The following ULK4 variants were observed in gnomAD, a reference collection of about 807,000 sequenced individuals.
The protein encoded by ULK4 is unc-51 like kinase 4.
A neutral mutation model predicts 160.6 loss-of-function variants in ULK4; 133 were observed. The ratio of observed to expected loss-of-function variants is 0.83; its 90% CI spans 0.72 to 0.96. ULK4 has a LOEUF of 0.96. Ranked by LOEUF, ULK4 falls within the 40% of genes least tolerant of loss-of-function variation. ULK4 has a pLI of 0.00. For missense variants in ULK4, 1,580 were observed against 1,499.5 expected (o/e 1.05, Z -0.89); for synonymous variants, 534 against 539.8 (o/e 0.99, Z 0.15).
At chr3:41,700,022 A>T (rs9850380) in intron 27 of ULK4, among the ~76,000 whole-genome samples, 28,707 of 151,936 alleles carry the variant, frequency 0.19, 7,373 homozygotes, top group African/African-American at 0.59. Flanking sequence ...ACAAGTAACG[A>T]CCCAGCAAGT....
intron 34 of ULK4, among the ~76,000 whole-genome samples, chr3:41,403,902 G>A (rs1031224431): frequency 6.6e-5 from 10 of 151,874 alleles, no homozygotes; most frequent in Non-Finnish European, 1.3e-4. Flanking sequence ...TCCTATTGTC[G>A]TTCTCTTATT....
At chr3:41,339,381 GCCCAGGA>G (rs1453631172) in intron 35 of ULK4, among the ~76,000 whole-genome samples, 1 of 152,068 alleles carries the variant, frequency 6.6e-6, no homozygotes, top group Non-Finnish European at 1.5e-5. Context: ...CATGTGAAAA[GCCCAGGA>G]CCCTGGCCTC....
intron 5 of ULK4, 31 bp from the exon 6 acceptor site, chr3:41,919,849 T>G: frequency 2.6e-6 from 4 of 1,532,334 alleles, no homozygotes; most frequent in Admixed American, 1.7e-5. Context: ...ACAGCTCGGT[T>G]AGGCATTTGT....
intron 27 of ULK4, among the ~76,000 whole-genome samples, chr3:41,703,218 G>T (rs1016533505): frequency 2.3e-5 from 3 of 128,106 alleles, no homozygotes; most frequent in Admixed American, 9.0e-5. Flanking sequence ...ACACTGCACG[G>T]AACAGCTGCA....
chr3:41,728,061 T>C (rs1020212879), intron 22 of ULK4, among the ~76,000 whole-genome samples: 5 of 152,030 alleles, frequency 3.3e-5, no homozygotes, highest in African/African-American at 1.2e-4. Context: ...AGCAGAAAAA[T>C]CTTTATCAGA....
chr3:41,504,559 A>G (rs1377165319), intron 32 of ULK4, among the ~76,000 whole-genome samples: 1 of 152,202 alleles, frequency 6.6e-6, no homozygotes, highest in Non-Finnish European at 1.5e-5. Flanking sequence ...GTGACAAGCT[A>G]CAAAGGGAGA....
At chr3:41,466,093 G>A (rs961581759) in intron 32 of ULK4, among the ~76,000 whole-genome samples, 1 of 152,092 alleles carries the variant, frequency 6.6e-6, no homozygotes, top group African/African-American at 2.4e-5. Context: ...TGCTCAATAT[G>A]TCCTATCTTT....
chr3:41,304,035 C>T (rs2079851109), intron 35 of ULK4, among the ~76,000 whole-genome samples: 3 of 152,016 alleles, frequency 2.0e-5, no homozygotes, highest in Non-Finnish European at 4.4e-5. Context: ...CTTTGGGAGG[C>T]CAAGGTGGGT....
chr3:41,843,335 C>T (rs1375716965), intron 17 of ULK4, among the ~76,000 whole-genome samples: 1 of 152,168 alleles, frequency 6.6e-6, no homozygotes, highest in South Asian at 2.1e-4. Context: ...GAAACAGAAT[C>T]ACTCATACTG....
At chr3:41,906,560 A>G (rs1698568652) in intron 12 of ULK4, among the ~76,000 whole-genome samples, 1 of 152,096 alleles carries the variant, frequency 6.6e-6, no homozygotes, top group Admixed American at 6.5e-5. Context: ...GAGTTAACAC[A>G]TGACACAGCA....
intron 11 of ULK4, among the ~76,000 whole-genome samples, chr3:41,910,919 C>A (rs538252845): frequency 7.2e-5 from 11 of 152,102 alleles, no homozygotes; most frequent in African/African-American, 2.2e-4. Context: ...ACCAAAATCA[C>A]GCCACTGCAC....
At chr3:41,923,156 A>G (rs9809833) in intron 5 of ULK4, among the ~76,000 whole-genome samples, 105,120 of 151,660 alleles carry the variant, frequency 0.69, 39,549 homozygotes, top group East Asian at 0.83. Flanking sequence ...CAACAAGAGC[A>G]AGACTCTGTC....
At chr3:41,693,781 T>C (rs755196745) in intron 27 of ULK4, among the ~76,000 whole-genome samples, 2 of 152,332 alleles carry the variant, frequency 1.3e-5, no homozygotes, top group East Asian at 1.9e-4. Flanking sequence ...TTAACTCTTT[T>C]GGAAGCACAT....
intron 17 of ULK4, chr3:41,859,486 A>G (rs2042446616): frequency 1.8e-6 from 1 of 548,668 alleles, no homozygotes; most frequent in South Asian, 1.4e-5. Context: ...TATGGTAATG[A>G]TAACTTCCCA....
At chr3:41,704,907 T>C in intron 27 of ULK4, 150 bp downstream of exon 27, 1 of 559,738 alleles carries the variant, frequency 1.8e-6, no homozygotes, top group Non-Finnish European at 3.0e-6. Context: ...AGGGATTTCC[T>C]ATGTTCATCC....
At chr3:41,885,667 G>A (rs1349420721) in intron 16 of ULK4, among the ~76,000 whole-genome samples, 1 of 151,858 alleles carries the variant, frequency 6.6e-6, no homozygotes, top group Non-Finnish European at 1.5e-5. Context: ...TGCAAGTAAG[G>A]AACAAAATAT....
intron 12 of ULK4, among the ~76,000 whole-genome samples, chr3:41,903,588 G>GAAAAAAAAAA (rs71075493): frequency 7.2e-6 from 1 of 138,182 alleles, no homozygotes. Context: ...CTGTCTCAAA[G>GAAAAAAAAAA]AAAAAAAAAA....
At chr3:41,512,857 T>C (rs997994769) in intron 32 of ULK4, among the ~76,000 whole-genome samples, 4 of 152,108 alleles carry the variant, frequency 2.6e-5, no homozygotes, top group Non-Finnish European at 5.9e-5. Context: ...GGAGGTATCA[T>C]ATTACCCAAC....
At chr3:41,568,430 T>A (rs935365360) in intron 31 of ULK4, among the ~76,000 whole-genome samples, 1 of 152,200 alleles carries the variant, frequency 6.6e-6, no homozygotes, top group African/African-American at 2.4e-5. Context: ...TTCTTTAGGA[T>A]TGTTGCATCT....
Sources: allele counts gnomAD v4.1 joint callset (sites outside exome capture counted in the v4.1 genomes callset), GRCh38; gene constraint gnomAD v4.1.1; transcripts MANE v1.5; gene names NCBI Gene and HGNC (gene_info 2026-07-23, HGNC 2026-07-21).